The following GLIS3 variants were observed in gnomAD, a reference collection of about 807,000 sequenced individuals.
GLIS3 encodes zinc finger protein GLIS3.
Under a neutral mutation model 78.6 loss-of-function variants are expected in GLIS3, and 53 were observed. That is an observed-to-expected ratio of 0.67 (90% CI 0.54 to 0.85). GLIS3 has a LOEUF of 0.85. GLIS3 is among the 40% of genes least tolerant of loss of function. The pLI, the probability that GLIS3 is intolerant of heterozygous loss-of-function variation, is 0.00. For missense variants in GLIS3, 1,703 were observed against 1,231.1 expected (o/e 1.38, Z -5.74); for synonymous variants, 684 against 509.9 (o/e 1.34, Z -4.60).
chr9:4,165,388 C>G (rs904485093), intron 2 of GLIS3, among the ~76,000 whole-genome samples: 2 of 152,196 alleles, frequency 1.3e-5, no homozygotes, highest in African/African-American at 4.8e-5. Flanking sequence ...TTGCAGTGAG[C>G]CGAGACCATG....
At chr9:4,254,537 G>C (rs1191225606) in intron 2 of GLIS3, among the ~76,000 whole-genome samples, 1 of 152,106 alleles carries the variant, frequency 6.6e-6, no homozygotes, top group Non-Finnish European at 1.5e-5. Flanking sequence ...AAAACATTTT[G>C]GGAACAAAAA....
chr9:3,866,169 G>A (rs1246750223), intron 8 of GLIS3, among the ~76,000 whole-genome samples: 1 of 152,174 alleles, frequency 6.6e-6, no homozygotes, highest in Non-Finnish European at 1.5e-5. Context: ...TCTCCTATCA[G>A]CACTGAGAGG....
intron 2 of GLIS3, among the ~76,000 whole-genome samples, chr9:4,145,999 A>T (rs1834196790): frequency 6.6e-6 from 1 of 152,226 alleles, no homozygotes; most frequent in Non-Finnish European, 1.5e-5. Flanking sequence ...AAAGCACAAC[A>T]TTCATAACTA....
the GLIS3 span, among the ~76,000 whole-genome samples, chr9:4,388,649 T>C: frequency 6.6e-6 from 1 of 151,986 alleles, no homozygotes; most frequent in South Asian, 2.1e-4. Context: ...GCACTCCAGC[T>C]TGGGTGACAG....
chr9:4,091,078 G>C (rs1275376073), intron 4 of GLIS3, among the ~76,000 whole-genome samples: 1 of 152,146 alleles, frequency 6.6e-6, no homozygotes, highest in African/African-American at 2.4e-5. Context: ...TTTGAGGCTG[G>C]GCATGGTGGC....
chr9:4,003,073 C>A (rs954230156), intron 4 of GLIS3, among the ~76,000 whole-genome samples: 6 of 152,150 alleles, frequency 3.9e-5, no homozygotes, highest in African/African-American at 1.4e-4. Context: ...ATTTAATATA[C>A]TACTTTTCAA....
At position 3,986,465 on chromosome 9, in the gene GLIS3, G is replaced by A. The variant is rs368613887; in HGVS notation, c.1711-49276C>T. Among the ~76,000 whole-genome samples, 2 of 152,288 alleles carry A rather than the reference G, an allele frequency of 1.3e-5. 1 individual carries two copies. The highest frequency in any genetic ancestry group is 4.1e-4 in the South Asian group (2 of 4,824). On this transcript the variant is annotated intron_variant, in intron 4 of 10. Transcript: ENST00000381971. ...ATTTATGAAAACTGTGTACAATTAG[G>A]AATACTTTTCTATCAGCATTAATTC... is the stretch of plus-strand genomic sequence containing the variant.
chr9:4,154,377 T>C (rs1309165609), intron 2 of GLIS3, among the ~76,000 whole-genome samples: 2 of 151,994 alleles, frequency 1.3e-5, no homozygotes, highest in East Asian at 3.8e-4. Flanking sequence ...TCCAGGGAAA[T>C]AAAGAGATAA....
At chr9:4,433,897 C>A in the GLIS3 span, among the ~76,000 whole-genome samples, 5 of 152,110 alleles carry the variant, frequency 3.3e-5, no homozygotes, top group Non-Finnish European at 7.3e-5. Context: ...GAGTTAGAGA[C>A]CATCCTGGCC....
At chr9:4,138,613 A>G (rs1020693946) in intron 2 of GLIS3, among the ~76,000 whole-genome samples, 1 of 152,180 alleles carries the variant, frequency 6.6e-6, no homozygotes, top group Non-Finnish European at 1.5e-5. Flanking sequence ...GCATGGGGGA[A>G]GCCGTAAAGA....
At chr9:4,405,533 T>C in the GLIS3 span, among the ~76,000 whole-genome samples, 1 of 151,644 alleles carries the variant, frequency 6.6e-6, no homozygotes, top group Non-Finnish European at 1.5e-5. Context: ...CAGGAAGAAA[T>C]CCAAAACCTG....
chr9:4,454,708 T>A, the GLIS3 span, among the ~76,000 whole-genome samples: 3 of 152,216 alleles, frequency 2.0e-5, no homozygotes, highest in African/African-American at 7.2e-5. Context: ...TTTGCCCTCT[T>A]CTGGTCTATG....
In GLIS3 at chr9:4,059,829, T is replaced by TGTGTGTGTGTGTGTGTGTGTGTGTGTGA; in HGVS notation, c.1710+57938_1710+57939insTCACACACACACACACACACACACACAC. 9.5e-4 allele frequency among the ~76,000 whole-genome samples: 96 copies of TGTGTGTGTGTGTGTGTGTGTGTGTGTGA among 100,686 alleles called. 1 individual carries two copies. Among genetic ancestry groups the TGTGTGTGTGTGTGTGTGTGTGTGTGTGA allele is most frequent in the South Asian group, 2.8e-3 (7 of 2,488 alleles). 66.1% of individuals were successfully genotyped at this position (100,686 alleles called of 152,430 possible). A position where few individuals can be genotyped will look rare whatever the true frequency, so the allele number is the denominator to read the frequency against. On this transcript the variant is annotated intron_variant, in intron 4 of 10. Transcript: ENST00000381971. The stretch of plus-strand genomic sequence containing the variant: ...TTGTGTGTGTGTGTGTGTGTGTGTG[T>TGTGTGTGTGTGTGTGTGTGTGTGTGTGA]GAGAGAGAGAGAGAGAGAGAGAGAG...
intron 2 of GLIS3, among the ~76,000 whole-genome samples, chr9:4,337,430 G>A (rs1367641822): frequency 6.6e-6 from 1 of 152,140 alleles, no homozygotes; most frequent in Non-Finnish European, 1.5e-5. Flanking sequence ...TGAAAATAAA[G>A]ATACAAAATC....
chr9:4,199,430 G>C (rs777016082), intron 2 of GLIS3, among the ~76,000 whole-genome samples: 2 of 150,656 alleles, frequency 1.3e-5, no homozygotes, highest in Non-Finnish European at 3.0e-5. Flanking sequence ...ATATAAAACA[G>C]ACTTTTATAA....
chr9:4,455,517 A>G, the GLIS3 span, among the ~76,000 whole-genome samples: 1 of 152,186 alleles, frequency 6.6e-6, no homozygotes, highest in Non-Finnish European at 1.5e-5. Flanking sequence ...GTCACTAAAC[A>G]AGTTATCCTG....
At chr9:4,236,204 A>AAAAAG (rs536737911) in intron 2 of GLIS3, among the ~76,000 whole-genome samples, 3,977 of 86,104 alleles carry the variant, frequency 0.046, 197 homozygotes, top group African/African-American at 0.081. Flanking sequence ...AAAAAAAAAA[A>AAAAAG]AAAGAAAGAA....
chr9:4,264,759 T>C (rs527810733), intron 2 of GLIS3, among the ~76,000 whole-genome samples: 7 of 152,158 alleles, frequency 4.6e-5, no homozygotes, highest in South Asian at 4.1e-4. Context: ...CCCAAGAAAT[T>C]ACATCATAGG....
chr9:4,282,539 C>T (rs765450258), intron 2 of GLIS3, among the ~76,000 whole-genome samples: 1 of 152,098 alleles, frequency 6.6e-6, no homozygotes, highest in Non-Finnish European at 1.5e-5. Flanking sequence ...CAAACTGAAA[C>T]ATCAGCTCTT....
Sources: gnomAD v4.1 joint callset for allele counts (sites outside exome capture counted in the v4.1 genomes callset) on GRCh38, gnomAD v4.1.1 for gene constraint, MANE v1.5 for transcripts, NCBI Gene and HGNC (gene_info 2026-07-23, HGNC 2026-07-21) for gene names.